The following SEMA6D variants were observed in gnomAD, a reference collection of about 807,000 sequenced individuals.
SEMA6D encodes semaphorin 6D, also known as semaphorin-6D.
SEMA6D carries 35 observed loss-of-function variants against 106.6 expected under a neutral mutation model. The ratio of observed to expected loss-of-function variants is 0.33; its 90% CI spans 0.25 to 0.44. The LOEUF is 0.44. SEMA6D is among the 20% of genes least tolerant of loss of function. The pLI is 1.00. For synonymous variants in SEMA6D, 499 were observed against 487.7 expected, an observed-to-expected ratio of 1.02 and a Z score of -0.31; for missense variants, 1,185 against 1,345.9, an observed-to-expected ratio of 0.88 and a Z score of 1.87.
At chr15:47,381,712 G>A (rs995937851) in intron 1 of SEMA6D, among the ~76,000 whole-genome samples, 2 of 152,194 alleles carry the variant, frequency 1.3e-5, no homozygotes, top group Non-Finnish European at 2.9e-5. Flanking sequence ...ACATACAACT[G>A]TATGTAAATT....
chr15:47,513,957 C>T (rs1052718814), intron 3 of SEMA6D, among the ~76,000 whole-genome samples: 9 of 152,328 alleles, frequency 5.9e-5, no homozygotes, highest in East Asian at 1.9e-4. Flanking sequence ...GTTGACCATT[C>T]GCAGGATAAT....
intron 1 of SEMA6D, among the ~76,000 whole-genome samples, chr15:47,250,439 TGAAG>T (rs2141917336): frequency 6.6e-6 from 1 of 150,530 alleles, no homozygotes; most frequent in East Asian, 2.0e-4. Flanking sequence ...TAGCAAATCC[TGAAG>T]AAAGAAAGAA....
intron 1 of SEMA6D, chr15:47,395,444 T>A (rs1310484226): frequency 1.3e-5 from 2 of 152,236 alleles, no homozygotes; most frequent in African/African-American, 4.8e-5. Context: ...TTACTGTACA[T>A]CATTTTTCTT....
chr15:47,746,957 C>T (rs1182649194), intron 1 of SEMA6D, among the ~76,000 whole-genome samples: 3 of 124,360 alleles, frequency 2.4e-5, no homozygotes, highest in Non-Finnish European at 3.7e-5. Flanking sequence ...ATTTCTGCCA[C>T]AACAGTCTCC....
intron 4 of SEMA6D, among the ~76,000 whole-genome samples, chr15:47,651,078 T>G (rs1268498003): frequency 6.6e-6 from 1 of 152,192 alleles, no homozygotes; most frequent in Admixed American, 6.5e-5. Flanking sequence ...AGTTCTATTT[T>G]CCTTTTCTCT....
chr15:47,538,296 T>C (rs1415500801), intron 3 of SEMA6D, among the ~76,000 whole-genome samples: 1 of 152,158 alleles, frequency 6.6e-6, no homozygotes, highest in Admixed American at 6.6e-5. Context: ...CCAGGATAGG[T>C]ATCAATAGAT....
At chr15:47,521,878 G>C (rs1032602585) in intron 3 of SEMA6D, among the ~76,000 whole-genome samples, 8 of 152,002 alleles carry the variant, frequency 5.3e-5, no homozygotes, top group African/African-American at 1.9e-4. Context: ...CCAGCTACTC[G>C]GGAGGCTGAG....
At chr15:47,704,584 G>A (rs1003596458) in intron 4 of SEMA6D, among the ~76,000 whole-genome samples, 8 of 152,048 alleles carry the variant, frequency 5.3e-5, no homozygotes, top group African/African-American at 1.9e-4. Context: ...GGTGGCATGT[G>A]CCTGTAGTCC....
chr15:47,194,779 C>A (rs1480918336), intron 1 of SEMA6D, among the ~76,000 whole-genome samples: 4 of 152,164 alleles, frequency 2.6e-5, no homozygotes, highest in African/African-American at 9.7e-5. Context: ...TCTATCTTTA[C>A]AGACAAACTT....
intron 4 of SEMA6D, among the ~76,000 whole-genome samples, chr15:47,617,667 T>C (rs1029369204): frequency 1.1e-4 from 17 of 152,216 alleles, no homozygotes; most frequent in African/African-American, 3.6e-4. Flanking sequence ...CCTGCAGAGT[T>C]AAATTCCTGT....
At chr15:47,333,859 G>A (rs1425271746) in intron 1 of SEMA6D, among the ~76,000 whole-genome samples, 2 of 152,146 alleles carry the variant, frequency 1.3e-5, no homozygotes, top group Non-Finnish European at 2.9e-5. Context: ...TAATGTTGTG[G>A]TATGCGGGAA....
intron 1 of SEMA6D, among the ~76,000 whole-genome samples, chr15:47,197,445 T>C (rs1894433666): frequency 6.6e-6 from 1 of 151,892 alleles, no homozygotes; most frequent in African/African-American, 2.4e-5. Flanking sequence ...GTGCATAGAC[T>C]GCTCTTCTAT....
At chr15:47,380,998 CAATTAAAAA>C in intron 1 of SEMA6D, among the ~76,000 whole-genome samples, 1 of 152,018 alleles carries the variant, frequency 6.6e-6, no homozygotes, top group Non-Finnish European at 1.5e-5. Flanking sequence ...AAAACAGCTG[CAATTAAAAA>C]ACAAGAAAAA....
intron 1 of SEMA6D, among the ~76,000 whole-genome samples, chr15:47,233,191 GA>G (rs974335781): frequency 1.3e-5 from 2 of 151,912 alleles, no homozygotes; most frequent in African/African-American, 4.8e-5. Flanking sequence ...ACCATTTGTT[GA>G]AAAGACTATT....
At chr15:47,459,859 G>C (rs959158340) in intron 2 of SEMA6D, among the ~76,000 whole-genome samples, 3 of 152,094 alleles carry the variant, frequency 2.0e-5, no homozygotes, top group African/African-American at 7.2e-5. Context: ...AGTGCAGAGT[G>C]TTTAAAATAT....
chr15:47,587,792 C>CT (rs3050572), intron 3 of SEMA6D, among the ~76,000 whole-genome samples: 3 of 149,402 alleles, frequency 2.0e-5, no homozygotes, highest in Admixed American at 6.7e-5. Flanking sequence ...CTTTTTCTTT[C>CT]TTTTTTTTTT....
chr15:47,763,845 G>A lies in SEMA6D; in HGVS notation c.748-5G>A. On this transcript the variant is annotated splice_region_variant and splice_polypyrimidine_tract_variant and intron_variant, in intron 9 of 18. Transcript: ENST00000536845. Reference sequence around the variant, plus strand: ...CCCATTGCTTTGCTTCTATCCGTTGGGCAGGCTGTGTATTCCCGCGTGGCC... The same window carrying A: ...CCCATTGCTTTGCTTCTATCCGTTGAGCAGGCTGTGTATTCCCGCGTGGCC... 1 of 1,612,228 alleles carries A rather than the reference G, an allele frequency of 6.2e-7. No individual in the cohort carries two copies. The highest frequency in any genetic ancestry group is 2.0e-4 in the Middle Eastern group (1 of 4,974).
chr15:47,396,239 C>G (rs1383648351), intron 1 of SEMA6D: 1 of 151,970 alleles, frequency 6.6e-6, no homozygotes, highest in Non-Finnish European at 1.5e-5. Context: ...TACGGCTGCT[C>G]AAGCTGACTA....
chr15:47,517,599 A>G (rs2044430014), intron 3 of SEMA6D, among the ~76,000 whole-genome samples: 1 of 152,050 alleles, frequency 6.6e-6, no homozygotes, highest in Non-Finnish European at 1.5e-5. Context: ...GTTGTTGCTT[A>G]TTTGTTTCGT....
Sources: gnomAD v4.1 joint callset for allele counts (sites outside exome capture counted in the v4.1 genomes callset) on GRCh38, gnomAD v4.1.1 for gene constraint, MANE v1.5 for transcripts, NCBI Gene and HGNC (gene_info 2026-07-23, HGNC 2026-07-21) for gene names.